The following BRAF variants were observed in gnomAD, a reference collection of about 807,000 sequenced individuals.
BRAF encodes serine/threonine-protein kinase B-raf.
BRAF carries 16 observed loss-of-function variants against 104.6 expected under a neutral mutation model. The ratio of observed to expected loss-of-function variants is 0.15; its 90% CI spans 0.10 to 0.23. The LOEUF is 0.23. Ranked by LOEUF, BRAF falls within the 10% of genes least tolerant of loss-of-function variation. The probability of loss-of-function intolerance (pLI) is 1.00; values close to 1 mark genes in which losing one functional copy is unlikely to be tolerated. For synonymous variants in BRAF, 310 were observed against 341.6 expected, an observed-to-expected ratio of 0.91 and a Z score of 1.02; for missense variants, 541 against 937.3, an observed-to-expected ratio of 0.58 and a Z score of 5.52.
intron 7 of BRAF, among the ~76,000 whole-genome samples, chr7:140,796,004 A>G (rs760141777): frequency 5.3e-5 from 8 of 152,162 alleles, no homozygotes; most frequent in Non-Finnish European, 7.4e-5. Context: ...ATTAGTCAAT[A>G]AAGTTTTAGA....
In BRAF at chr7:140,835,483, C is replaced by T. The variant is rs113777728; in HGVS notation, c.241-611G>A. On this transcript the variant is annotated intron_variant, in intron 2 of 19. Transcript: ENST00000644969. The stretch of plus-strand genomic sequence containing the variant: ...TAGTTATCAGTTAAAATACTTTACT[C>T]TTCTCAGTATGGCTGTTTGATGACT... 1.6e-3 allele frequency: 240 copies of T among 153,326 alleles called. 3 individuals carry two copies. In the South Asian group the frequency reaches 0.026, roughly 17 times the overall value. The allele number at this position is 153,326 out of a possible 1,614,324, so 9.5% of individuals were successfully genotyped here.
intron 14 of BRAF, among the ~76,000 whole-genome samples, chr7:140,760,759 C>T (rs536637256): frequency 4.0e-5 from 6 of 151,152 alleles, no homozygotes; most frequent in East Asian, 1.9e-4. Flanking sequence ...CCTCAGGAGC[C>T]GATGCGATCA....
At chr7:140,822,288 A>G (rs931398455) in intron 3 of BRAF, 2 of 152,226 alleles carry the variant, frequency 1.3e-5, no homozygotes, top group Non-Finnish European at 2.9e-5. Context: ...TCTAGGTACA[A>G]CTGACATACA....
chr7:140,777,705 C>T lies in BRAF; in HGVS notation c.1637+286G>A, dbSNP rs185819989. 1.1e-4 allele frequency among the ~76,000 whole-genome samples: 16 copies of T among 152,260 alleles called. No individual in the cohort carries two copies. In the South Asian group the frequency reaches 1.5e-3, roughly 14 times the overall value. ...TAAATGTATTCTGATAAGCTTAAAA[C>T]TGGAGAGTATTCTTTTCATAAGTAG... On this transcript the variant is annotated intron_variant, in intron 13 of 19. Coordinates refer to ENST00000644969, the MANE Select transcript of BRAF (RefSeq NM_001374258.1).
chr7:140,849,514 TAAAAA>T (rs746301355), intron 2 of BRAF, among the ~76,000 whole-genome samples: 2 of 136,776 alleles, frequency 1.5e-5, no homozygotes, highest in South Asian at 4.6e-4. Context: ...GCTTTCTCTT[TAAAAA>T]AAAAAAAAAA....
intron 7 of BRAF, among the ~76,000 whole-genome samples, chr7:140,798,271 T>C (rs183467542): frequency 1.6e-4 from 11 of 66,734 alleles, no homozygotes; most frequent in East Asian, 4.5e-4. Flanking sequence ...ACTTTTTTTT[T>C]CTTTTTTTTG....
At chr7:140,778,174 C>T (rs545813924) in intron 12 of BRAF, 99 bp from the exon 12 acceptor site, 3 of 987,644 alleles carry the variant, frequency 3.0e-6, no homozygotes, top group East Asian at 5.2e-5. Context: ...AGCCCTAACT[C>T]CATACCATTA....
chr7:140,800,972 A>G, intron 6 of BRAF: 1 of 208,108 alleles, frequency 4.8e-6, no homozygotes, highest in Non-Finnish European at 9.6e-6. Flanking sequence ...AAAATTTTAC[A>G]TCTTACTCAA....
At chr7:140,791,099 T>C (rs537885586) in intron 8 of BRAF, among the ~76,000 whole-genome samples, 37 of 152,064 alleles carry the variant, frequency 2.4e-4, no homozygotes, top group African/African-American at 8.0e-4. Flanking sequence ...AGACTCCATC[T>C]CAAAAAACAA....
At chr7:140,770,927 T>A (rs1799782997) in intron 14 of BRAF, among the ~76,000 whole-genome samples, 1 of 125,756 alleles carries the variant, frequency 8.0e-6, no homozygotes, top group Non-Finnish European at 1.6e-5. Flanking sequence ...TGAGATTCCA[T>A]CTCAAAAAAA....
chr7:140,849,790 C>T (rs1397821525), intron 2 of BRAF, among the ~76,000 whole-genome samples: 3 of 150,430 alleles, frequency 2.0e-5, no homozygotes, highest in South Asian at 4.2e-4. Context: ...CCAGCCTGGG[C>T]GACAGAGCGA....
At chr7:140,832,094 C>T (rs1322740578) in intron 3 of BRAF, among the ~76,000 whole-genome samples, 1 of 152,190 alleles carries the variant, frequency 6.6e-6, no homozygotes, top group African/African-American at 2.4e-5. Context: ...GAATCCTATC[C>T]TGTTTTATTA....
In BRAF at chr7:140,874,051, C is replaced by T. The variant is rs145135398; in HGVS notation, c.139-23839G>A. Among the ~76,000 whole-genome samples the T allele has an allele frequency of 1.4e-3, 217 of 152,188 alleles. 1 individual carries two copies. Among genetic ancestry groups the T allele is most frequent in the African/African-American group, 4.0e-3 (165 of 41,520 alleles). On this transcript the variant is annotated intron_variant, in intron 1 of 19. Coordinates refer to ENST00000644969, the MANE Select transcript of BRAF (RefSeq NM_001374258.1). ...TCACACATTACGGGGGTGGTGGGAA[C>T]ACACTTCAAAGATTTAGTCCAACTA... is the stretch of plus-strand genomic sequence containing the variant.
At chr7:140,782,795 G>C (rs556994482) in intron 11 of BRAF, among the ~76,000 whole-genome samples, 1 of 152,138 alleles carries the variant, frequency 6.6e-6, no homozygotes, top group East Asian at 1.9e-4. Flanking sequence ...ACAGAATACT[G>C]TTACTCTTCC....
intron 7 of BRAF, chr7:140,799,856 T>C (rs1802901403): frequency 4.0e-6 from 1 of 252,658 alleles, no homozygotes; most frequent in Admixed American, 4.9e-5. Context: ...GGAAGTCATA[T>C]ACTTCTATAC....
At chr7:140,820,618 C>T (rs540686329) in intron 3 of BRAF, among the ~76,000 whole-genome samples, 2 of 152,248 alleles carry the variant, frequency 1.3e-5, no homozygotes, top group South Asian at 2.1e-4. Flanking sequence ...TCCAATAACC[C>T]CAATTAACAG....
intron 16 of BRAF, among the ~76,000 whole-genome samples, chr7:140,752,519 A>G (rs1163594101): frequency 6.6e-6 from 1 of 152,208 alleles, no homozygotes; most frequent in Non-Finnish European, 1.5e-5. Context: ...GTTTTAGGGA[A>G]TGATTCATAT....
At chr7:140,840,615 T>A (rs956692508) in intron 2 of BRAF, among the ~76,000 whole-genome samples, 3 of 151,096 alleles carry the variant, frequency 2.0e-5, no homozygotes, top group Non-Finnish European at 4.4e-5. Flanking sequence ...ACATGGCAAA[T>A]CCCCATCTCT....
chr7:140,753,539 G>A, intron 15 of BRAF, 146 bp from the exon 15 acceptor site: 1 of 606,412 alleles, frequency 1.6e-6, no homozygotes, highest in Non-Finnish European at 2.9e-6. Flanking sequence ...TCCTCTTAGA[G>A]TCAATAAGTA....
Sources: allele counts gnomAD v4.1 joint callset (sites outside exome capture counted in the v4.1 genomes callset), GRCh38; gene constraint gnomAD v4.1.1; transcripts MANE v1.5; gene names NCBI Gene and HGNC (gene_info 2026-07-23, HGNC 2026-07-21).